Variants in CERS6 observed in about 807,000 individuals in gnomAD.
CERS6 encodes the protein ceramide synthase 6.
In CERS6, 26 loss-of-function variants were observed where a neutral mutation model predicts 56.8. The observed-to-expected ratio is 0.46, with a 90% confidence interval of 0.34 to 0.63. The LOEUF is 0.63. Among genes scored for constraint, CERS6 ranks in the 30% least tolerant of loss-of-function variants. The pLI is 0.01. For missense variants in CERS6, 415 were observed against 467.5 expected (o/e 0.89, Z 1.04); for synonymous variants, 164 against 173.3 (o/e 0.95, Z 0.42).
intron 4 of CERS6, among the ~76,000 whole-genome samples, chr2:168,646,739 T>A (rs1033665866): frequency 3.9e-5 from 6 of 152,222 alleles, no homozygotes; most frequent in Non-Finnish European, 8.8e-5. Flanking sequence ...GGGGTCCAGC[T>A]TCAGTCTTCT....
rs142598969 is a variant in CERS6 at position 168,497,197 on chromosome 2, A to G, written c.170+40579A>G. Among the ~76,000 whole-genome samples the G allele has an allele frequency of 3.4e-3, 518 of 152,322 alleles. 3 individuals carry two copies. Among genetic ancestry groups the G allele is most frequent in the Middle Eastern group, 6.8e-3 (2 of 294 alleles). On this transcript the variant is annotated intron_variant, in intron 1 of 9. Coordinates refer to ENST00000305747, the MANE Select transcript of CERS6 (RefSeq NM_203463.3). ...GGTAGACAGAAGGGATATTCAAAGT[A>G]TAATGGTGGTGACTGAGTTATGTGT...
intron 1 of CERS6, among the ~76,000 whole-genome samples, chr2:168,462,275 A>G (rs1285974920): frequency 6.6e-6 from 1 of 152,044 alleles, no homozygotes; most frequent in African/African-American, 2.4e-5. Context: ...TTGTATGTCT[A>G]GTTGTGTCAC....
At chr2:168,473,733 TA>T (rs140676261) in intron 1 of CERS6, among the ~76,000 whole-genome samples, 3 of 152,018 alleles carry the variant, frequency 2.0e-5, no homozygotes, top group Admixed American at 2.0e-4. Flanking sequence ...ACGAAAAAAA[TA>T]AAAAAATAAA....
chr2:168,527,389 C>G (rs559979472), intron 1 of CERS6, among the ~76,000 whole-genome samples: 3 of 152,116 alleles, frequency 2.0e-5, no homozygotes, highest in African/African-American at 7.2e-5. Context: ...ACCCAAAGTC[C>G]ATGGTTTACT....
At position 168,769,744 on chromosome 2, in the gene CERS6, A is replaced by G. The variant is rs1239705018; in HGVS notation, c.*82A>G. On this transcript the variant is annotated 3_prime_UTR_variant, in exon 10 of 10. Transcript: ENST00000305747. ...ATAAGTTGCAAATGCAGTTCCTTTCATAATATCTCAGCACCAGAAACAAAA... is the reference window on the plus strand; with the variant it reads ...ATAAGTTGCAAATGCAGTTCCTTTCGTAATATCTCAGCACCAGAAACAAAA... 5.6e-6 allele frequency: 8 copies of G among 1,429,302 alleles called. No individual in the cohort carries two copies. The highest frequency in any genetic ancestry group is 7.8e-6 in the Non-Finnish European group (8 of 1,030,682). The allele number at this position is 1,429,302 out of a possible 1,614,324, so 88.5% of individuals were successfully genotyped here. A position where few individuals can be genotyped will look rare whatever the true frequency, so the allele number is the denominator to read the frequency against.
chr2:168,570,527 G>C (rs890416216), intron 3 of CERS6, among the ~76,000 whole-genome samples: 3 of 152,152 alleles, frequency 2.0e-5, no homozygotes, highest in African/African-American at 7.2e-5. Flanking sequence ...GTCCTCTGTG[G>C]TGCTGGCTTT....
At chr2:168,626,547 T>C (rs766844899) in intron 3 of CERS6, among the ~76,000 whole-genome samples, 1 of 152,230 alleles carries the variant, frequency 6.6e-6, no homozygotes, top group Non-Finnish European at 1.5e-5. Flanking sequence ...TGGTAGTTTT[T>C]ACTAGCTTCC....
intron 4 of CERS6, among the ~76,000 whole-genome samples, chr2:168,684,083 G>A (rs1164808315): frequency 6.6e-6 from 1 of 152,158 alleles, no homozygotes; most frequent in Non-Finnish European, 1.5e-5. Context: ...ATTGATTGCA[G>A]AATGTGGTAA....
intron 8 of CERS6, among the ~76,000 whole-genome samples, chr2:168,738,325 T>G (rs1319432875): frequency 6.6e-6 from 1 of 152,190 alleles, no homozygotes; most frequent in Non-Finnish European, 1.5e-5. Flanking sequence ...GTGGATGGTG[T>G]GAAGATTTTA....
intron 3 of CERS6, among the ~76,000 whole-genome samples, chr2:168,626,365 C>T (rs550799514): frequency 6.6e-6 from 1 of 152,256 alleles, no homozygotes; most frequent in Admixed American, 6.5e-5. Flanking sequence ...TCCCCTGCTT[C>T]TGCTGCCTCT....
intron 4 of CERS6, among the ~76,000 whole-genome samples, chr2:168,690,669 A>G (rs1228870537): frequency 6.6e-6 from 1 of 152,110 alleles, no homozygotes; most frequent in African/African-American, 2.4e-5. Flanking sequence ...ATGTTTATAG[A>G]TAAGAGTGAG....
intron 4 of CERS6, among the ~76,000 whole-genome samples, chr2:168,665,991 T>TGTGTGTGTGTGTGTGTG (rs1685751349): frequency 1.4e-5 from 2 of 146,940 alleles, no homozygotes; most frequent in African/African-American, 5.0e-5. Context: ...TGTGTGTGTG[T>TGTGTGTGTGTGTGTGTG]AGTTTTAGGT....
intron 4 of CERS6, among the ~76,000 whole-genome samples, chr2:168,675,995 T>C (rs1686051125): frequency 1.3e-5 from 2 of 152,120 alleles, no homozygotes; most frequent in South Asian, 4.1e-4. Flanking sequence ...AAAATAACCA[T>C]TTTCTAAAAC....
chr2:168,655,040 GA>G (rs1174855618), intron 4 of CERS6, among the ~76,000 whole-genome samples: 1 of 152,096 alleles, frequency 6.6e-6, no homozygotes, highest in African/African-American at 2.4e-5. Flanking sequence ...TCAACAGCAA[GA>G]AAACAAATAG....
chr2:168,498,381 A>C (rs999751052), intron 1 of CERS6, among the ~76,000 whole-genome samples: 1 of 152,160 alleles, frequency 6.6e-6, no homozygotes, highest in Non-Finnish European at 1.5e-5. Flanking sequence ...TATTTCTAAA[A>C]GAGGGTACCA....
intron 3 of CERS6, among the ~76,000 whole-genome samples, chr2:168,618,938 A>T (rs1325525055): frequency 6.6e-6 from 1 of 152,168 alleles, no homozygotes; most frequent in Non-Finnish European, 1.5e-5. Context: ...ACTATGCAAA[A>T]GAACAAATCT....
chr2:168,508,443 C>A (rs111482823), intron 1 of CERS6, among the ~76,000 whole-genome samples: 2,793 of 152,302 alleles, frequency 0.018, 45 homozygotes, highest in Non-Finnish European at 0.029. Flanking sequence ...ACACTTTTAT[C>A]TCTGCCTTGG....
At chr2:168,553,992 A>G (rs994490992) in intron 2 of CERS6, among the ~76,000 whole-genome samples, 3 of 152,212 alleles carry the variant, frequency 2.0e-5, no homozygotes, top group Non-Finnish European at 2.9e-5. Context: ...GCTAAGAAAG[A>G]TAATATTATT....
At chr2:168,728,632 CTTAATA>C (rs981072160) in intron 8 of CERS6, among the ~76,000 whole-genome samples, 5 of 151,350 alleles carry the variant, frequency 3.3e-5, no homozygotes, top group Admixed American at 3.3e-4. Flanking sequence ...GGCAATTACT[CTTAATA>C]TTGAGAAGGG....
Sources: allele counts gnomAD v4.1 joint callset (sites outside exome capture counted in the v4.1 genomes callset), GRCh38; gene constraint gnomAD v4.1.1; transcripts MANE v1.5; gene names NCBI Gene and HGNC (gene_info 2026-07-23, HGNC 2026-07-21).